The following CNTNAP4 variants were observed in gnomAD, a reference collection of about 807,000 sequenced individuals.
The protein encoded by CNTNAP4 is contactin associated protein family member 4, also known as contactin-associated protein-like 4.
Under a neutral mutation model 148.4 loss-of-function variants are expected in CNTNAP4, and 98 were observed. The observed-to-expected ratio is 0.66, with a 90% CI of 0.56 to 0.78. The LOEUF (loss-of-function observed/expected upper bound fraction) is 0.78. Among genes scored for constraint, CNTNAP4 ranks in the 30% least tolerant of loss-of-function variants. The probability of loss-of-function intolerance (pLI) is 0.00; values close to 1 mark genes in which losing one functional copy is unlikely to be tolerated. For synonymous variants in CNTNAP4, 730 were observed against 565.1 expected, an observed-to-expected ratio of 1.29 and a Z score of -4.14; for missense variants, 1,935 against 1,565.6, an observed-to-expected ratio of 1.24 and a Z score of -3.98.
At position 76,535,770 on chromosome 16, in the gene CNTNAP4, C is replaced by T. The variant is rs2084189161; in HGVS notation, c.2981C>T (p.Pro994Leu). The T allele has an allele frequency of 6.2e-7, 1 of 1,613,594 alleles. No individual in the cohort carries two copies. The highest frequency in any genetic ancestry group is 8.5e-7 in the Non-Finnish European group (1 of 1,179,676). ...CDCTFSAYTG[P>L]FCSNEISAYF... is the part of the protein sequence containing the mutation. ...TGCACTTTCTCTGCATACACAGGGC[C>T]ATTCTGCTCAAATGGTAAGTGTGGC... The change falls in exon 18 of 24, where the codon CCA becomes CTA. Residue 994 changes from proline to leucine, a missense_variant. Pro to Leu is a moderately conservative substitution (Grantham distance 98, BLOSUM62 -3). Transcript: ENST00000611870.
At chr16:76,298,484 G>GTA (rs1162295508) in intron 1 of CNTNAP4, among the ~76,000 whole-genome samples, 2 of 134,024 alleles carry the variant, frequency 1.5e-5, no homozygotes, top group Non-Finnish European at 3.1e-5. Context: ...GTGTGTACAT[G>GTA]TATGTGTGTG....
intron 2 of CNTNAP4, among the ~76,000 whole-genome samples, chr16:76,352,792 C>T (rs565618765): frequency 6.6e-6 from 1 of 152,058 alleles, no homozygotes; most frequent in African/African-American, 2.4e-5. Flanking sequence ...AGGAGCAGTT[C>T]CCGCAGAGTT....
intron 4 of CNTNAP4, among the ~76,000 whole-genome samples, chr16:76,441,510 C>T (rs1354955764): frequency 2.6e-5 from 4 of 152,048 alleles, no homozygotes; most frequent in African/African-American, 9.7e-5. Context: ...TCGATTCTTG[C>T]TGTAAATGTG....
intron 3 of CNTNAP4, among the ~76,000 whole-genome samples, chr16:76,384,247 T>G (rs1031385858): frequency 2.0e-5 from 3 of 152,082 alleles, no homozygotes; most frequent in African/African-American, 7.2e-5. Context: ...TTTCACTATG[T>G]TGGTCAGGTT....
chr16:76,524,134 T>C (rs2083608183), intron 17 of CNTNAP4, among the ~76,000 whole-genome samples: 1 of 152,218 alleles, frequency 6.6e-6, no homozygotes, highest in Admixed American at 6.5e-5. Flanking sequence ...ATTACTGTTT[T>C]GATAATTTAT....
In CNTNAP4 at chr16:76,515,899, C is replaced by G. The variant is rs947704278; in HGVS notation, c.2366-5241C>G. Among the ~76,000 whole-genome samples, 3 of 152,108 alleles carry G rather than the reference C, an allele frequency of 2.0e-5. No homozygotes were observed. In the South Asian group the frequency reaches 6.2e-4, roughly 32 times the overall value. Reference sequence around the variant, plus strand: ...AGGAATGTCAAATAACAAAACCACACTAGAAAACCGTTTAGTAGTTTCTTT... The same window carrying G: ...AGGAATGTCAAATAACAAAACCACAGTAGAAAACCGTTTAGTAGTTTCTTT... On this transcript the variant is annotated intron_variant, in intron 15 of 23. Coordinates refer to ENST00000611870, the MANE Select transcript of CNTNAP4 (RefSeq NM_033401.5).
chr16:76,490,886 C>T (rs1053570961), intron 13 of CNTNAP4, among the ~76,000 whole-genome samples: 2 of 152,110 alleles, frequency 1.3e-5, no homozygotes, highest in Non-Finnish European at 1.5e-5. Flanking sequence ...TGTACAATAA[C>T]GCTACTTCTT....
chr16:76,368,902 C>T (rs1345909155), intron 3 of CNTNAP4, among the ~76,000 whole-genome samples: 5 of 152,062 alleles, frequency 3.3e-5, no homozygotes, highest in Admixed American at 1.3e-4. Flanking sequence ...TCAATGGCTG[C>T]GTTAGACCAG....
chr16:76,303,687 A>C (rs1480091865), intron 1 of CNTNAP4, among the ~76,000 whole-genome samples: 1 of 152,178 alleles, frequency 6.6e-6, no homozygotes, highest in South Asian at 2.1e-4. Context: ...TGATTTCTGC[A>C]TCATGTGCAG....
chr16:76,545,472 A>G lies in CNTNAP4; in HGVS notation c.3442+4682A>G, dbSNP rs559425797. On this transcript the variant is annotated intron_variant, in intron 21 of 23. Coordinates refer to ENST00000611870, the MANE Select transcript of CNTNAP4 (RefSeq NM_033401.5). Reference sequence around the variant, plus strand: ...GATTTTGTCATAAGCACGTATAGTCATAGGCAGGTGGTCCCCGTGGAGTGG... The same window carrying G: ...GATTTTGTCATAAGCACGTATAGTCGTAGGCAGGTGGTCCCCGTGGAGTGG... Among the ~76,000 whole-genome samples the G allele has an allele frequency of 2.0e-5, 3 of 152,292 alleles. No homozygotes were observed. In the South Asian group the frequency reaches 6.2e-4, roughly 32 times the overall value.
intron 17 of CNTNAP4, among the ~76,000 whole-genome samples, chr16:76,526,164 A>C (rs1827056121): frequency 6.6e-6 from 1 of 152,062 alleles, no homozygotes; most frequent in Non-Finnish European, 1.5e-5. Flanking sequence ...TCCTAATTTG[A>C]GCAGAGGCCA....
intron 12 of CNTNAP4, among the ~76,000 whole-genome samples, chr16:76,480,353 A>G (rs547041917): frequency 2.0e-5 from 3 of 152,356 alleles, no homozygotes; most frequent in East Asian, 1.9e-4. Flanking sequence ...TCAATAGCAT[A>G]AAAACCTCAA....
intron 3 of CNTNAP4, among the ~76,000 whole-genome samples, chr16:76,364,518 C>G (rs985553164): frequency 3.3e-5 from 5 of 152,154 alleles, no homozygotes; most frequent in African/African-American, 9.7e-5. Flanking sequence ...ATCTCACATT[C>G]TACCATGTGA....
intron 1 of CNTNAP4, among the ~76,000 whole-genome samples, chr16:76,303,411 C>T (rs1403960507): frequency 6.6e-6 from 1 of 152,180 alleles, no homozygotes; most frequent in South Asian, 2.1e-4. Context: ...TGAAATATCA[C>T]CTAATATGAC....
At chr16:76,452,110 A>G (rs754546972) in intron 7 of CNTNAP4, among the ~76,000 whole-genome samples, 2 of 149,210 alleles carry the variant, frequency 1.3e-5, no homozygotes, top group Non-Finnish European at 3.0e-5. Flanking sequence ...CTTTACACAT[A>G]TGGGTTAGTG....
At chr16:76,301,857 G>A (rs941109814) in intron 1 of CNTNAP4, among the ~76,000 whole-genome samples, 1 of 152,110 alleles carries the variant, frequency 6.6e-6, no homozygotes, top group Non-Finnish European at 1.5e-5. Context: ...GAAGTGACAG[G>A]TTGGTTTTGC....
At chr16:76,533,137 A>C (rs1274570220) in intron 17 of CNTNAP4, among the ~76,000 whole-genome samples, 1 of 152,178 alleles carries the variant, frequency 6.6e-6, no homozygotes, top group Non-Finnish European at 1.5e-5. Context: ...GTATATATGT[A>C]ATGGAATACA....
chr16:76,424,990 G>A (rs1342283597), intron 3 of CNTNAP4, among the ~76,000 whole-genome samples: 1 of 152,098 alleles, frequency 6.6e-6, no homozygotes. Context: ...TCTAGAGGTT[G>A]GGTGGGAATA....
rs146482811 is a variant in CNTNAP4, at chr16:76,470,482, A to ATATATATATATATATATATATATATATAT, written c.1655+2959_1655+2960insTATATATATATATATATATATATATATAT. 9.4e-4 allele frequency among the ~76,000 whole-genome samples: 91 copies of ATATATATATATATATATATATATATATAT among 96,970 alleles called. 3 individuals are homozygous for ATATATATATATATATATATATATATATAT. Among genetic ancestry groups the ATATATATATATATATATATATATATATAT allele is most frequent in the African/African-American group, 3.7e-3 (78 of 21,130 alleles). 63.6% of individuals were successfully genotyped at this position (96,970 alleles called of 152,430 possible). ...ATAGCAAAACCACGTCTCTACTAAT[A>ATATATATATATATATATATATATATATAT]ATATATATATATATAAAATTAGTCG... On this transcript the variant is annotated intron_variant, in intron 10 of 23. Coordinates refer to ENST00000611870, the MANE Select transcript of CNTNAP4 (RefSeq NM_033401.5).
Sources: gnomAD v4.1 joint callset for allele counts (sites outside exome capture counted in the v4.1 genomes callset) on GRCh38, gnomAD v4.1.1 for gene constraint, MANE v1.5 for transcripts, NCBI Gene and HGNC (gene_info 2026-07-23, HGNC 2026-07-21) for gene names.